MAGI2: variants seen among roughly 807,000 people sequenced by gnomAD.
MAGI2 encodes membrane associated guanylate kinase, WW and PDZ domain containing 2.
Under a neutral mutation model 133.3 loss-of-function variants are expected in MAGI2, and 35 were observed. The ratio of observed to expected loss-of-function variants is 0.26; its 90% CI spans 0.20 to 0.35. MAGI2 has a LOEUF of 0.35. MAGI2 is among the 10% of genes least tolerant of loss of function. The pLI is 1.00. For synonymous variants in MAGI2, 729 were observed against 710.6 expected, an observed-to-expected ratio of 1.03 and a Z score of -0.41; for missense variants, 1,636 against 1,863.4, an observed-to-expected ratio of 0.88 and a Z score of 2.25.
intron 3 of MAGI2, among the ~76,000 whole-genome samples, chr7:78,560,050 A>G (rs1055458883): frequency 1.3e-5 from 2 of 152,208 alleles, no homozygotes; most frequent in Non-Finnish European, 2.9e-5. Flanking sequence ...AAGGATGACA[A>G]AAGAAAAAAA....
At chr7:78,887,942 C>G (rs1157676966) in intron 2 of MAGI2, among the ~76,000 whole-genome samples, 1 of 152,198 alleles carries the variant, frequency 6.6e-6, no homozygotes, top group Admixed American at 6.5e-5. Flanking sequence ...ATTGCCTCAC[C>G]TGGCAAGTGC....
At chr7:79,011,915 T>A (rs1034232180) in intron 1 of MAGI2, among the ~76,000 whole-genome samples, 18 of 142,584 alleles carry the variant, frequency 1.3e-4, no homozygotes, top group African/African-American at 4.3e-4. Flanking sequence ...CTTCCTTCCT[T>A]CCTTCCTTCC....
At chr7:78,863,411 A>G (rs1794307088) in intron 2 of MAGI2, among the ~76,000 whole-genome samples, 1 of 152,154 alleles carries the variant, frequency 6.6e-6, no homozygotes, top group African/African-American at 2.4e-5. Flanking sequence ...TGCAGAGATC[A>G]CATGGTGAGG....
chr7:79,237,595 G>A, intron 1 of MAGI2, among the ~76,000 whole-genome samples: 1 of 152,096 alleles, frequency 6.6e-6, no homozygotes, highest in East Asian at 1.9e-4. Context: ...TTCTCTCTAG[G>A]TATCTCCCTG....
intron 1 of MAGI2, among the ~76,000 whole-genome samples, chr7:79,366,720 T>G (rs2129128472): frequency 6.6e-6 from 1 of 152,260 alleles, no homozygotes; most frequent in African/African-American, 2.4e-5. Context: ...GCATATTAAT[T>G]TATAATTATC....
intron 2 of MAGI2, among the ~76,000 whole-genome samples, chr7:78,695,288 C>T (rs1817392825): frequency 6.6e-6 from 1 of 152,124 alleles, no homozygotes; most frequent in East Asian, 1.9e-4. Context: ...ACATATAGAA[C>T]ACATATGCAA....
chr7:78,326,240 C>T (rs1788574262), intron 9 of MAGI2, among the ~76,000 whole-genome samples: 1 of 152,228 alleles, frequency 6.6e-6, no homozygotes, highest in Non-Finnish European at 1.5e-5. Context: ...TGCACTTTTG[C>T]ACACAATATT....
intron 1 of MAGI2, among the ~76,000 whole-genome samples, chr7:79,132,855 C>T (rs888250392): frequency 7.9e-5 from 12 of 152,014 alleles, no homozygotes; most frequent in East Asian, 7.8e-4. Context: ...TTCAGGAGTA[C>T]GGTGGTATCT....
chr7:78,097,272 A>G (rs1054555317), intron 20 of MAGI2, among the ~76,000 whole-genome samples: 3 of 152,300 alleles, frequency 2.0e-5, no homozygotes, highest in East Asian at 3.9e-4. Flanking sequence ...TCAAAGAACT[A>G]AAAACAGAAC....
chr7:78,037,520 G>T (rs1298973314), intron 21 of MAGI2, among the ~76,000 whole-genome samples: 1 of 152,162 alleles, frequency 6.6e-6, no homozygotes, highest in South Asian at 2.1e-4. Flanking sequence ...GTGTCAATTT[G>T]TGTAGCATTT....
At chr7:78,712,450 T>C (rs1819290006) in intron 2 of MAGI2, among the ~76,000 whole-genome samples, 1 of 152,198 alleles carries the variant, frequency 6.6e-6, no homozygotes, top group African/African-American at 2.4e-5. Flanking sequence ...GCATTTATAA[T>C]GAAAAAATCT....
chr7:79,171,770 A>ATATATTTTTTTTTTTTTTTTT, intron 1 of MAGI2, among the ~76,000 whole-genome samples: 3 of 31,222 alleles, frequency 9.6e-5, no homozygotes, highest in Non-Finnish European at 2.2e-4. Flanking sequence ...ATATATATAT[A>ATATATTTTTTTTTTTTTTTTT]TTTTTTTTTT....
intron 1 of MAGI2, among the ~76,000 whole-genome samples, chr7:79,364,999 AT>A (rs1842607957): frequency 1.3e-5 from 2 of 152,052 alleles, no homozygotes; most frequent in Admixed American, 1.3e-4. Flanking sequence ...CAAACCACAT[AT>A]CTAACAAAGG....
intron 1 of MAGI2, among the ~76,000 whole-genome samples, chr7:79,077,049 GGGGATTTTGAATCTTGAGTGACACAA>G (rs1815528865): frequency 6.6e-6 from 1 of 152,138 alleles, no homozygotes; most frequent in Admixed American, 6.5e-5. Context: ...CCATTTATTT[GGGGATTTTGAATCTTGAGTGACACAA>G]GGGTGAGAAG....
intron 1 of MAGI2, among the ~76,000 whole-genome samples, chr7:79,201,406 GT>G (rs1304963925): frequency 6.6e-6 from 1 of 151,998 alleles, no homozygotes; most frequent in Non-Finnish European, 1.5e-5. Context: ...AGACAATAAA[GT>G]TTCTCTAACT....
At chr7:78,868,450 C>G (rs1046985010) in intron 2 of MAGI2, among the ~76,000 whole-genome samples, 2 of 152,138 alleles carry the variant, frequency 1.3e-5, no homozygotes, top group Non-Finnish European at 1.5e-5. Context: ...CATGCTCTAC[C>G]TGTAACCATT....
chr7:79,147,203 G>C (rs1822731532), intron 1 of MAGI2, among the ~76,000 whole-genome samples: 1 of 152,184 alleles, frequency 6.6e-6, no homozygotes, highest in Admixed American at 6.5e-5. Flanking sequence ...ACAATGTGCA[G>C]CCCATAGAAA....
At chr7:78,885,798 T>C (rs1382133196) in intron 2 of MAGI2, among the ~76,000 whole-genome samples, 2 of 152,224 alleles carry the variant, frequency 1.3e-5, no homozygotes, top group Non-Finnish European at 2.9e-5. Context: ...CAGCATTCTT[T>C]ACCATCTGCT....
chr7:78,939,699 C>T (rs1800819458), intron 2 of MAGI2, among the ~76,000 whole-genome samples: 1 of 152,168 alleles, frequency 6.6e-6, no homozygotes, highest in South Asian at 2.1e-4. Context: ...GGATGGGGAT[C>T]TCTCAATGGG....
Sources: gnomAD v4.1 joint callset for allele counts (sites outside exome capture counted in the v4.1 genomes callset) on GRCh38, gnomAD v4.1.1 for gene constraint, MANE v1.5 for transcripts, NCBI Gene and HGNC (gene_info 2026-07-23, HGNC 2026-07-21) for gene names.